Variants in ADCY1 observed in about 807,000 individuals in gnomAD.
ADCY1 encodes the protein adenylate cyclase 1.
A neutral mutation model predicts 105.4 loss-of-function variants in ADCY1; 28 were observed. The observed-to-expected ratio is 0.27, with a 90% CI of 0.20 to 0.36. The LOEUF (loss-of-function observed/expected upper bound fraction) is 0.36. Ranked by LOEUF, ADCY1 falls within the 10% of genes least tolerant of loss-of-function variation. The pLI is 1.00. For missense variants in ADCY1, 977 were observed against 1,434.2 expected (o/e 0.68, Z 5.15); for synonymous variants, 655 against 623.8 (o/e 1.05, Z -0.75).
intron 4 of ADCY1, among the ~76,000 whole-genome samples, chr7:45,632,977 G>A (rs1385236700): frequency 6.6e-6 from 1 of 152,158 alleles, no homozygotes; most frequent in Non-Finnish European, 1.5e-5. Flanking sequence ...GAGTGCAGTG[G>A]TGTGATCTTG....
chr7:45,598,487 A>G (rs1249208105), intron 2 of ADCY1, among the ~76,000 whole-genome samples: 2 of 152,250 alleles, frequency 1.3e-5, no homozygotes, highest in Non-Finnish European at 2.9e-5. Flanking sequence ...GAGCAGACAC[A>G]AATAAGGAGC....
Position 45,622,809 on chromosome 7 carries a change from G to C in ADCY1, c.1020+66G>C, listed in dbSNP as rs1351391535. Reference sequence around the variant, plus strand: ...TGCTTCTGGAGTGACGATAAGCCAGGTGGATTCCCTGTATTTGGACCATGA... The same window carrying C: ...TGCTTCTGGAGTGACGATAAGCCAGCTGGATTCCCTGTATTTGGACCATGA... On this transcript the variant is annotated intron_variant, in intron 4 of 19. Coordinates refer to ENST00000297323, the MANE Select transcript of ADCY1 (RefSeq NM_021116.4). 28 of 1,288,578 alleles carry C rather than the reference G, an allele frequency of 2.2e-5. No individual in the cohort carries two copies. The East Asian group carries it at 2.5e-4, about 11-fold the overall frequency. 79.8% of individuals were successfully genotyped at this position (1,288,578 alleles called of 1,614,324 possible).
chr7:45,709,416 C>T (rs531076325), intron 18 of ADCY1, among the ~76,000 whole-genome samples: 64 of 152,368 alleles, frequency 4.2e-4, no homozygotes, highest in Admixed American at 4.2e-3. Context: ...CGGGGCCCTT[C>T]TGCCCATCAG....
intron 2 of ADCY1, among the ~76,000 whole-genome samples, chr7:45,604,808 C>T (rs1793331175): frequency 6.6e-6 from 1 of 152,046 alleles, no homozygotes; most frequent in Non-Finnish European, 1.5e-5. Flanking sequence ...TAGTATTATT[C>T]CTTTTCCTTT....
chr7:45,663,899 A>G (rs2471264), intron 8 of ADCY1, among the ~76,000 whole-genome samples: 84,386 of 152,068 alleles, frequency 0.55, 26,652 homozygotes, highest in Non-Finnish European at 0.69. Context: ...GACCATAGCT[A>G]TAGCATAGGA....
At position 45,710,696 on chromosome 7, in the gene ADCY1, C is replaced by T. The variant is rs1785214912; in HGVS notation, c.3057+44C>T. 4.4e-6 allele frequency: 7 copies of T among 1,576,510 alleles called. No homozygotes were observed. The highest frequency in any genetic ancestry group is 5.2e-6 in the Non-Finnish European group (6 of 1,161,200). On this transcript the variant is annotated intron_variant, in intron 19 of 19. Coordinates refer to ENST00000297323, the MANE Select transcript of ADCY1 (RefSeq NM_021116.4). This position sits in a 1 kb window ranked among gnomAD's most constrained non-coding sequence, Gnocchi z 4.7. ...CCCTAAGGCATGGGTGCCCATTCTT[C>T]AGGTGAGGAAACTGAGGCACAGGGG...
intron 2 of ADCY1, among the ~76,000 whole-genome samples, chr7:45,609,973 T>C (rs1318802218): frequency 6.6e-6 from 1 of 152,164 alleles, no homozygotes; most frequent in Non-Finnish European, 1.5e-5. Context: ...GAGGACTCTG[T>C]GGGTACCTCA....
rs1785071216 is a variant in ADCY1 at position 45,704,522 on chromosome 7, TG to T, written c.2725del (p.Glu909LysfsTer8). 1 of 1,613,758 alleles carries T rather than the reference TG, an allele frequency of 6.2e-7. No homozygotes were observed. Among genetic ancestry groups the T allele is most frequent in the African/African-American group, 1.3e-5 (1 of 74,940 alleles). ...NEIIADFDEL[M>X]EKDFYKDIEK... ...AGTTTTATGTTTTAAACAAAGCTCA[TG>T]GAAAAAGACTTTTACAAGGACATAG... On this transcript the variant is annotated frameshift_variant, in exon 17 of 20. Transcript: ENST00000297323. LOFTEE classifies it high-confidence loss of function.
At position 45,703,363 on chromosome 7, in the gene ADCY1, C is replaced by T. The variant is rs80309738; in HGVS notation, c.2455-13C>T. 8.7e-5 allele frequency: 140 copies of T among 1,613,244 alleles called. No homozygotes were observed. The highest frequency in any genetic ancestry group is 6.7e-4 in the East Asian group (30 of 44,880). On this transcript the variant is annotated splice_polypyrimidine_tract_variant and intron_variant, in intron 14 of 19. Transcript: ENST00000297323. The surrounding 1 kb of genome is among the most constrained non-coding windows in gnomAD (Gnocchi z 5.9). ...TGAGTGGATGGGACTAATGGAGGCTCATGATACCCCAGGCAGAGGAGGAGC... is the reference window on the plus strand; with the variant it reads ...TGAGTGGATGGGACTAATGGAGGCTTATGATACCCCAGGCAGAGGAGGAGC...
intron 17 of ADCY1, among the ~76,000 whole-genome samples, chr7:45,707,125 C>G (rs372216011): frequency 6.6e-6 from 1 of 152,150 alleles, no homozygotes; most frequent in East Asian, 1.9e-4. Flanking sequence ...TCTAGGACAC[C>G]CACTGTGGGA....
At chr7:45,629,209 T>C (rs1380051645) in intron 4 of ADCY1, among the ~76,000 whole-genome samples, 3 of 152,272 alleles carry the variant, frequency 2.0e-5, no homozygotes, top group Non-Finnish European at 4.4e-5. Context: ...CAAAGCAATA[T>C]GTACTCTACA....
rs73694831 is a variant in ADCY1 at position 45,683,779 on chromosome 7, C to T, written c.1984-1200C>T. ...GTAACTTGGCCCACAGGTAGGGGTT[C>T]AGGCTCTACTCAGGCCCAGCGGCAG... is the stretch of plus-strand genomic sequence containing the variant. On this transcript the variant is annotated intron_variant, in intron 11 of 19. Transcript: ENST00000297323. Among the ~76,000 whole-genome samples, 394 of 152,302 alleles carry T rather than the reference C, an allele frequency of 2.6e-3. 2 individuals are homozygous for T. The highest frequency in any genetic ancestry group is 9.0e-3 in the African/African-American group (374 of 41,568).
intron 5 of ADCY1, 88 bp downstream of exon 5, chr7:45,648,885 G>C: frequency 2.6e-6 from 4 of 1,530,628 alleles, no homozygotes; most frequent in Non-Finnish European, 3.6e-6. Context: ...CCCCATGTGG[G>C]CTCCCCTCTC....
intron 8 of ADCY1, among the ~76,000 whole-genome samples, chr7:45,675,037 A>G (rs1043584787): frequency 1.3e-5 from 2 of 152,166 alleles, no homozygotes; most frequent in African/African-American, 4.8e-5. Flanking sequence ...TCTACACTTA[A>G]TGCAATTATT....
At chr7:45,704,220 GC>G (rs1010060821) in intron 16 of ADCY1, among the ~76,000 whole-genome samples, 38 of 151,798 alleles carry the variant, frequency 2.5e-4, no homozygotes, top group East Asian at 7.8e-4. Context: ...GTGCCTCCAG[GC>G]CCCCCCCACC....
intron 8 of ADCY1, among the ~76,000 whole-genome samples, chr7:45,669,658 C>G (rs1266596810): frequency 6.6e-6 from 1 of 152,128 alleles, no homozygotes; most frequent in Non-Finnish European, 1.5e-5. Flanking sequence ...TCTGATCCAC[C>G]TAGGGGCTCT....
chr7:45,685,420 G>A (rs1339442629), intron 12 of ADCY1, among the ~76,000 whole-genome samples: 1 of 151,194 alleles, frequency 6.6e-6, no homozygotes, highest in Non-Finnish European at 1.5e-5. Context: ...TGAAAGGATG[G>A]AAGTGGGTGG....
At position 45,575,028 on chromosome 7, in the gene ADCY1, G is replaced by A; in HGVS notation, c.485G>A (p.Gly162Glu). 1 of 1,612,554 alleles carries A rather than the reference G, an allele frequency of 6.2e-7. No homozygotes were observed. Among genetic ancestry groups the A allele is most frequent in the South Asian group, 1.1e-5 (1 of 91,060 alleles). The change falls in exon 1 of 20, where the codon GGG becomes GAG. Residue 162 changes from glycine (G) to glutamate (E), a missense_variant. Physicochemically the swap from Gly to Glu is moderately conservative, Grantham distance 98 (BLOSUM62 -2). This residue lies in a region of ADCY1 where 196 missense variants were observed against 347.8 expected (regional missense o/e 0.56). Transcript: ENST00000297323. This position sits in a 1 kb window ranked among gnomAD's most constrained non-coding sequence, Gnocchi z 4.7. ...AAGGPATAEQ[G>E]VWQLLLVTFV... ...GGGGGGCCAGCGACCGCCGAACAAG[G>A]GGTTTGGCAGCTCCTTTTGGTCACC...
At chr7:45,629,077 C>T (rs1261044419) in intron 4 of ADCY1, among the ~76,000 whole-genome samples, 4 of 152,234 alleles carry the variant, frequency 2.6e-5, no homozygotes, top group African/African-American at 9.6e-5. Context: ...TTCCTAGACC[C>T]TTCGCAATCC....
Sources: gnomAD v4.1 joint callset for allele counts (sites outside exome capture counted in the v4.1 genomes callset) on GRCh38, gnomAD v4.1.1 for gene constraint, gnomAD v4.1.1 regional missense constraint, Gnocchi (gnomAD v3.1) non-coding constraint, MANE v1.5 for transcripts, NCBI Gene and HGNC (gene_info 2026-07-23, HGNC 2026-07-21) for gene names.